Variants in SLC36A3 observed in about 807,000 individuals in gnomAD.
SLC36A3 encodes proton-coupled amino acid transporter 3.
Under a neutral mutation model 44.3 loss-of-function variants are expected in SLC36A3, and 35 were observed. The ratio of observed to expected loss-of-function variants is 0.79; its 90% CI spans 0.60 to 1.05. The LOEUF is 1.05. SLC36A3 is among the 50% of genes least tolerant of loss of function. SLC36A3 has a pLI of 0.00. For synonymous variants in SLC36A3, 211 were observed against 227.6 expected, an observed-to-expected ratio of 0.93 and a Z score of 0.66; for missense variants, 540 against 578.7, an observed-to-expected ratio of 0.93 and a Z score of 0.69.
intron 1 of SLC36A3, among the ~76,000 whole-genome samples, chr5:151,302,349 TG>T (rs1468313820): frequency 6.6e-6 from 1 of 152,254 alleles, no homozygotes; most frequent in Non-Finnish European, 1.5e-5. Flanking sequence ...ACCGATCTGA[TG>T]ATTACCAGAT....
rs1754135987 is a variant in SLC36A3 at position 151,277,536 on chromosome 5, T to A, written c.1270A>T (p.Met424Leu). The A allele has an allele frequency of 6.2e-7, 1 of 1,614,096 alleles. No individual in the cohort carries two copies. Among genetic ancestry groups the A allele is most frequent in the African/African-American group, 1.3e-5 (1 of 74,932 alleles). ...TCCTTGGCAATGGTGACACAGCTCA[T>A]GTCCTCAGAGTAAAAGATGACGATC... ...LEIVIFYSED[M>L]SCVTIAKDIM... The change falls in exon 10 of 10, where the codon ATG becomes TTG. Residue 424 changes from methionine to leucine, a missense_variant. By Grantham distance (15) the Met-to-Leu change is conservative. Coordinates refer to ENST00000335230, the MANE Select transcript of SLC36A3 (RefSeq NM_181774.4).
intron 1 of SLC36A3, among the ~76,000 whole-genome samples, chr5:151,299,264 C>CTCTCTCTCTCTCTATA (rs1372309288): frequency 8.0e-4 from 48 of 59,636 alleles, no homozygotes; most frequent in Non-Finnish European, 1.2e-3. Flanking sequence ...CTCTCTCTCT[C>CTCTCTCTCTCTCTATA]TATATATATA....
intron 8 of SLC36A3, among the ~76,000 whole-genome samples, chr5:151,283,752 A>G (rs10045696): frequency 0.16 from 24,620 of 152,166 alleles, 2,567 homozygotes; most frequent in East Asian, 0.3. Flanking sequence ...AGCATTATCT[A>G]TGTATTAATC....
chr5:151,284,277 G>C, intron 7 of SLC36A3, 67 bp from the exon 8 acceptor site: 83 of 1,396,088 alleles, frequency 5.9e-5, no homozygotes, highest in Middle Eastern at 1.9e-4. Flanking sequence ...TGAAGGAGAG[G>C]GTTCCCGTAC....
intron 4 of SLC36A3, 116 bp from the exon 5 acceptor site, chr5:151,288,586 CTTTCT>C: frequency 1.1e-6 from 1 of 928,312 alleles, no homozygotes. Flanking sequence ...AATTTCCCTA[CTTTCT>C]TTTATTTTGA....
chr5:151,281,380 T>C lies in SLC36A3; in HGVS notation c.975-197A>G, dbSNP rs147891474. On this transcript the variant is annotated intron_variant, in intron 8 of 9. Transcript: ENST00000335230. ...TACTCAATCTGTACTTTTCACTGAATTATAGAACTGGCTAATGTTAGATGA... is the reference window on the plus strand; with the variant it reads ...TACTCAATCTGTACTTTTCACTGAACTATAGAACTGGCTAATGTTAGATGA... Among the ~76,000 whole-genome samples, 29 of 152,316 alleles carry C rather than the reference T, an allele frequency of 1.9e-4. No individual in the cohort carries two copies. In the East Asian group the frequency reaches 5.6e-3, roughly 29 times the overall value.
At chr5:151,300,946 T>A (rs571062407) in intron 1 of SLC36A3, among the ~76,000 whole-genome samples, 1 of 152,380 alleles carries the variant, frequency 6.6e-6, no homozygotes, top group East Asian at 1.9e-4. Flanking sequence ...ACACTTTCCA[T>A]GTCCATACAT....
At position 151,298,637 on chromosome 5, in the gene SLC36A3, C is replaced by T. The variant is rs763325744; in HGVS notation, c.175G>A (p.Gly59Arg). 4.3e-6 allele frequency: 7 copies of T among 1,614,212 alleles called. No individual in the cohort carries two copies. The South Asian group carries it at 4.4e-5, about 10-fold the overall frequency. Residue 59 changes from glycine (G) to arginine (R), a missense_variant, in exon 2 of 10, where the codon GGG becomes AGG. Transcript: ENST00000335230. ...IHLLKCNIGT[G>R]LLGLPLAIKN... is the part of the protein sequence containing the mutation. ...ATGGCCAGGGGAAGCCCCAGGAGCC[C>T]TGTGCCAATGTTGCATTTCAACAAG... is the stretch of plus-strand genomic sequence containing the variant.
intron 8 of SLC36A3, among the ~76,000 whole-genome samples, chr5:151,281,857 G>A (rs1754330213): frequency 6.6e-6 from 1 of 152,070 alleles, no homozygotes; most frequent in African/African-American, 2.4e-5. Flanking sequence ...TATGCATAGA[G>A]TAAAATTCAT....
chr5:151,290,719 C>A (rs982074615), intron 4 of SLC36A3, among the ~76,000 whole-genome samples: 1 of 152,054 alleles, frequency 6.6e-6, no homozygotes, highest in Admixed American at 6.6e-5. Flanking sequence ...CACGGTGAAA[C>A]CCCATCTCTA....
At chr5:151,282,550 C>A (rs1166438289) in intron 8 of SLC36A3, among the ~76,000 whole-genome samples, 1 of 152,204 alleles carries the variant, frequency 6.6e-6, no homozygotes, top group African/African-American at 2.4e-5. Flanking sequence ...GTTGATATGT[C>A]AATTGCATGG....
At chr5:151,290,165 T>C (rs1274201278) in intron 4 of SLC36A3, among the ~76,000 whole-genome samples, 1 of 152,228 alleles carries the variant, frequency 6.6e-6, no homozygotes, top group East Asian at 1.9e-4. Flanking sequence ...TTATTCCAAA[T>C]TTGGAGATGC....
chr5:151,284,663 A>G lies in SLC36A3; in HGVS notation c.757T>C (p.Phe253Leu), dbSNP rs750703141. Residue 253 changes from phenylalanine to leucine, a missense_variant, in exon 7 of 10, where the codon TTC becomes CTC. By Grantham distance (22) the Phe-to-Leu change is conservative (BLOSUM62 0). Transcript: ENST00000335230. ...NLPLMANWKTFLLFFGTAIFT... is the reference protein window; with the variant it reads ...NLPLMANWKTLLLFFGTAIFT... ...ATGGCTGTACCAAAGAACAGCAAGA[A>G]GGTCTTCCAGTTTGCCATCAAGGGT... is the stretch of plus-strand genomic sequence containing the variant. The G allele has an allele frequency of 1.2e-6, 2 of 1,613,686 alleles. No homozygotes were observed. The highest frequency in any genetic ancestry group is 2.2e-5 in the South Asian group (2 of 90,984).
chr5:151,292,043 T>A (rs6894748), intron 4 of SLC36A3, among the ~76,000 whole-genome samples: 1 of 151,906 alleles, frequency 6.6e-6, no homozygotes, highest in Non-Finnish European at 1.5e-5. Context: ...ATATTTTTAG[T>A]AGAGACAGGG....
chr5:151,299,256 C>CTA (rs1394218183), intron 1 of SLC36A3, among the ~76,000 whole-genome samples: 87 of 76,554 alleles, frequency 1.1e-3, no homozygotes, highest in South Asian at 2.7e-3. Flanking sequence ...CTCTCTCTCT[C>CTA]TCTCTCTCTA....
chr5:151,297,761 G>A (rs780211620), intron 2 of SLC36A3: 1 of 152,224 alleles, frequency 6.6e-6, no homozygotes, highest in Non-Finnish European at 1.5e-5. Context: ...TCAGGAGTTT[G>A]AGACCTGCCT....
At chr5:151,303,176 A>G in intron 1 of SLC36A3, 51 bp downstream of exon 1, 1 of 1,574,088 alleles carries the variant, frequency 6.4e-7, no homozygotes, top group South Asian at 1.2e-5. Flanking sequence ...CCAGAGTTGC[A>G]AAAACAGCAG....
intron 8 of SLC36A3, among the ~76,000 whole-genome samples, chr5:151,281,595 A>G (rs1754316726): frequency 6.6e-6 from 1 of 152,188 alleles, no homozygotes; most frequent in South Asian, 2.1e-4. Flanking sequence ...AGGCGAGTGG[A>G]TCACCTGAGG....
intron 1 of SLC36A3, among the ~76,000 whole-genome samples, chr5:151,299,260 CTCTCTATATA>C (rs1201271543): frequency 2.3e-3 from 152 of 65,456 alleles, no homozygotes; most frequent in African/African-American, 6.0e-3. Context: ...CTCTCTCTCT[CTCTCTATATA>C]TATATATATA....
Sources: allele counts gnomAD v4.1 joint callset (sites outside exome capture counted in the v4.1 genomes callset), GRCh38; gene constraint gnomAD v4.1.1; transcripts MANE v1.5; gene names NCBI Gene and HGNC (gene_info 2026-07-23, HGNC 2026-07-21).